The following FLT1 variants were observed in gnomAD, a reference collection of about 807,000 sequenced individuals.
FLT1 encodes the protein fms related receptor tyrosine kinase 1.
A neutral mutation model predicts 156.3 loss-of-function variants in FLT1; 49 were observed. That is an observed-to-expected ratio of 0.31 (90% CI 0.25 to 0.40). The LOEUF (loss-of-function observed/expected upper bound fraction) is 0.40. FLT1 is among the 10% of genes least tolerant of loss of function. The pLI, the probability that FLT1 is intolerant of heterozygous loss-of-function variation, is 1.00. For missense variants in FLT1, 1,322 were observed against 1,637.2 expected (o/e 0.81, Z 3.32); for synonymous variants, 594 against 583.8 (o/e 1.02, Z -0.25).
rs538701138 is a variant in FLT1, at chr13:28,334,198, G to A, written c.2489-69C>T. 1.3e-4 allele frequency: 131 copies of A among 1,012,438 alleles called. No homozygotes were observed. In the African/African-American group the frequency reaches 1.9e-3, roughly 15 times the overall value. 62.7% of individuals were successfully genotyped at this position (1,012,438 alleles called of 1,614,324 possible). ...GGTGAGTTTAAGTCTTTTTCAGGAA[G>A]GAAATGCCTTTTCCTATGTGTGCAT... On this transcript the variant is annotated intron_variant, in intron 17 of 29. Coordinates refer to ENST00000282397, the MANE Select transcript of FLT1 (RefSeq NM_002019.4).
chr13:28,434,756 G>A (rs930528279), intron 4 of FLT1, among the ~76,000 whole-genome samples: 3 of 152,174 alleles, frequency 2.0e-5, no homozygotes, highest in East Asian at 1.9e-4. Flanking sequence ...TGTGGCAGGC[G>A]CCTGTAATCC....
chr13:28,468,574 T>A (rs1213207363), intron 1 of FLT1, among the ~76,000 whole-genome samples: 1 of 152,198 alleles, frequency 6.6e-6, no homozygotes, highest in Non-Finnish European at 1.5e-5. Context: ...GATGGTGAAT[T>A]GTAATCCTCA....
At position 28,322,555 on chromosome 13, in the gene FLT1, G is replaced by T; in HGVS notation, c.2954-196C>A. The T allele has an allele frequency of 2.8e-6, 2 of 721,316 alleles. No individual in the cohort carries two copies. The highest frequency in any genetic ancestry group is 5.0e-6 in the Non-Finnish European group (2 of 403,080). The allele number at this position is 721,316 out of a possible 1,614,324, so 44.7% of individuals were successfully genotyped here. On this transcript the variant is annotated intron_variant, in intron 21 of 29. Coordinates refer to ENST00000282397, the MANE Select transcript of FLT1 (RefSeq NM_002019.4). This position sits in a 1 kb window ranked among gnomAD's most constrained non-coding sequence, Gnocchi z 4.3. ...CAGCCCACTTTATCCAAGCATGGGG[G>T]CAGGGGGATGATCCATTAAGATGAA...
chr13:28,314,149 G>A (rs190696760), intron 25 of FLT1, among the ~76,000 whole-genome samples: 15 of 152,284 alleles, frequency 9.9e-5, no homozygotes, highest in Admixed American at 8.5e-4. Context: ...GCTCCAAAGA[G>A]AGGCCTTCAG....
intron 1 of FLT1, among the ~76,000 whole-genome samples, chr13:28,488,591 C>T (rs368392520): frequency 2.0e-5 from 3 of 152,056 alleles, no homozygotes; most frequent in African/African-American, 4.8e-5. Flanking sequence ...GAGAGAAGCA[C>T]GTTTTGGAGT....
At chr13:28,339,658 C>G (rs1872255961) in intron 16 of FLT1, among the ~76,000 whole-genome samples, 2 of 152,126 alleles carry the variant, frequency 1.3e-5, no homozygotes, top group South Asian at 4.1e-4. Flanking sequence ...CAAACAATGA[C>G]TAAAAATAAC....
chr13:28,424,681 T>C (rs1054611100), intron 10 of FLT1, among the ~76,000 whole-genome samples: 1 of 152,222 alleles, frequency 6.6e-6, no homozygotes, highest in Non-Finnish European at 1.5e-5. Flanking sequence ...GCCGTGGATA[T>C]ACATAGATAC....
rs534871675 is a variant in FLT1 at position 28,388,438 on chromosome 13, T to G, written c.1969+1358A>C. The G allele has an allele frequency of 6.8e-5, 71 of 1,048,644 alleles. No individual in the cohort carries two copies. The Admixed American group carries it at 1.3e-3, about 19-fold the overall frequency. 65.0% of individuals were successfully genotyped at this position (1,048,644 alleles called of 1,614,324 possible). A position where few individuals can be genotyped will look rare whatever the true frequency, so the allele number is the denominator to read the frequency against. On this transcript the variant is annotated intron_variant, in intron 13 of 29. Transcript: ENST00000282397. ...AGCCACTGTGTTTCTCAGCCATGGCTATTTTGGTCATTATAGTTTTTTTTT... is the reference window on the plus strand; with the variant it reads ...AGCCACTGTGTTTCTCAGCCATGGCGATTTTGGTCATTATAGTTTTTTTTT...
chr13:28,363,877 G>A (rs1873197469), intron 14 of FLT1, among the ~76,000 whole-genome samples: 2 of 147,712 alleles, frequency 1.4e-5, no homozygotes, highest in Admixed American at 1.3e-4. Flanking sequence ...CAAAGTGCTG[G>A]GATTACAGGG....
chr13:28,405,684 C>T, intron 11 of FLT1, 96 bp downstream of exon 11: 2 of 786,208 alleles, frequency 2.5e-6, no homozygotes, highest in Non-Finnish European at 4.5e-6. Flanking sequence ...TTTGTTTGAA[C>T]ATTTAAATTA....
chr13:28,419,833 C>T (rs1369688027), intron 10 of FLT1, among the ~76,000 whole-genome samples: 1 of 152,146 alleles, frequency 6.6e-6, no homozygotes, highest in African/African-American at 2.4e-5. Flanking sequence ...GAGCCGAGAT[C>T]GTGCCACTGC....
At chr13:28,387,808 TAA>T (rs11400597) in intron 13 of FLT1, 20 of 927,918 alleles carry the variant, frequency 2.2e-5, no homozygotes, top group African/African-American at 1.3e-4. Flanking sequence ...AAAGTTTCTT[TAA>T]AAAAAAAAAA....
At chr13:28,385,207 T>A (rs2137450023) in intron 13 of FLT1, among the ~76,000 whole-genome samples, 176 bp from the exon 14 acceptor site, 1 of 152,360 alleles carries the variant, frequency 6.6e-6, no homozygotes, top group South Asian at 2.1e-4. Flanking sequence ...AATAAGATGC[T>A]ACGATAAATT....
intron 10 of FLT1, among the ~76,000 whole-genome samples, chr13:28,408,339 G>A (rs147099216): frequency 5.1e-4 from 78 of 152,250 alleles, no homozygotes; most frequent in African/African-American, 1.8e-3. Flanking sequence ...AGTTACTAAG[G>A]GCACAAGCCC....
chr13:28,458,321 T>C (rs1161711726), intron 3 of FLT1, among the ~76,000 whole-genome samples: 4 of 152,240 alleles, frequency 2.6e-5, no homozygotes, highest in African/African-American at 9.6e-5. Context: ...ATTCTGATTA[T>C]TTTTGAGTAC....
chr13:28,304,081 G>A (rs1230243289), intron 29 of FLT1, among the ~76,000 whole-genome samples: 1 of 152,206 alleles, frequency 6.6e-6, no homozygotes, highest in Non-Finnish European at 1.5e-5. Flanking sequence ...GATCTGGGAT[G>A]AGGCAGGGAA....
chr13:28,314,260 TC>T (rs991667707), intron 25 of FLT1, among the ~76,000 whole-genome samples: 2 of 152,188 alleles, frequency 1.3e-5, no homozygotes, highest in Non-Finnish European at 1.5e-5. Context: ...CTCCCTAGTT[TC>T]CCTGCTGACA....
intron 3 of FLT1, among the ~76,000 whole-genome samples, chr13:28,446,140 A>G (rs1021799513): frequency 6.6e-6 from 1 of 152,242 alleles, no homozygotes; most frequent in Non-Finnish European, 1.5e-5. Context: ...GAAAATGGGA[A>G]TTGCACTGAA....
intron 15 of FLT1, chr13:28,345,843 T>A (rs1370726227): frequency 3.1e-6 from 1 of 317,910 alleles, no homozygotes; most frequent in Non-Finnish European, 5.9e-6. Context: ...CAGAAACAGC[T>A]AAGTAAAAAT....
Sources: allele counts gnomAD v4.1 joint callset (sites outside exome capture counted in the v4.1 genomes callset), GRCh38; gene constraint gnomAD v4.1.1; non-coding constraint Gnocchi (gnomAD v3.1); transcripts MANE v1.5; gene names NCBI Gene and HGNC (gene_info 2026-07-23, HGNC 2026-07-21).